FLT1: variants seen among roughly 807,000 people sequenced by gnomAD.
The protein encoded by FLT1 is vascular endothelial growth factor receptor 1.
FLT1 carries 49 observed loss-of-function variants against 156.3 expected under a neutral mutation model. That is an observed-to-expected ratio of 0.31 (90% confidence interval 0.25 to 0.40). The LOEUF (loss-of-function observed/expected upper bound fraction) is 0.40. Among genes scored for constraint, FLT1 ranks in the 10% least tolerant of loss-of-function variants. The pLI, the probability that FLT1 is intolerant of heterozygous loss-of-function variation, is 1.00. For synonymous variants in FLT1, 594 were observed against 583.8 expected, an observed-to-expected ratio of 1.02 and a Z score of -0.25; for missense variants, 1,322 against 1,637.2, an observed-to-expected ratio of 0.81 and a Z score of 3.32.
At chr13:28,471,557 A>G (rs1268488887) in intron 1 of FLT1, among the ~76,000 whole-genome samples, 1 of 152,196 alleles carries the variant, frequency 6.6e-6, no homozygotes, top group Non-Finnish European at 1.5e-5. Context: ...ATAGATGTGT[A>G]TGTACGTACC....
chr13:28,494,137 G>C (rs57052697), intron 1 of FLT1, among the ~76,000 whole-genome samples: 2 of 152,160 alleles, frequency 1.3e-5, no homozygotes, highest in African/African-American at 4.8e-5. Context: ...CTCGCCGAGC[G>C]TTCCCCGGGA....
chr13:28,363,082 C>T (rs1331432933), intron 14 of FLT1, among the ~76,000 whole-genome samples: 1 of 152,062 alleles, frequency 6.6e-6, no homozygotes, highest in Non-Finnish European at 1.5e-5. Context: ...TTTGTTCATA[C>T]TTAATTCATT....
intron 10 of FLT1, among the ~76,000 whole-genome samples, chr13:28,423,946 TC>T (rs1305349624): frequency 3.3e-5 from 5 of 152,212 alleles, no homozygotes; most frequent in African/African-American, 1.2e-4. Flanking sequence ...ACTTTTCTTT[TC>T]TTTCTTTTTC....
intron 14 of FLT1, among the ~76,000 whole-genome samples, chr13:28,371,284 C>T (rs1477861804): frequency 6.6e-6 from 1 of 152,120 alleles, no homozygotes; most frequent in Non-Finnish European, 1.5e-5. Context: ...AGTAGTCCCC[C>T]TGTATCTGTG....
At chr13:28,305,426 T>C (rs1041255575) in intron 29 of FLT1, among the ~76,000 whole-genome samples, 2 of 152,126 alleles carry the variant, frequency 1.3e-5, no homozygotes, top group South Asian at 2.1e-4. Context: ...GGTTTTGCCA[T>C]GTTGCTCCCG....
intron 16 of FLT1, among the ~76,000 whole-genome samples, chr13:28,344,500 C>T (rs904276840): frequency 1.3e-5 from 2 of 152,216 alleles, no homozygotes; most frequent in African/African-American, 4.8e-5. Flanking sequence ...ATCTGCCCCA[C>T]TGTCACCAGA....
Position 28,420,336 on chromosome 13 carries a change from T to C in FLT1, c.1436+6823A>G, listed in dbSNP as rs181532723. Among the ~76,000 whole-genome samples, 163 of 152,358 alleles carry C rather than the reference T, an allele frequency of 1.1e-3. 1 individual carries two copies. The highest frequency in any genetic ancestry group is 3.8e-3 in the African/African-American group (158 of 41,590). Reference sequence around the variant, plus strand: ...CCTGCTAAAGTGGTCTTTGGTCAAGTGGTCTTCTTTAAAGTCCTCATTTTG... The same window carrying C: ...CCTGCTAAAGTGGTCTTTGGTCAAGCGGTCTTCTTTAAAGTCCTCATTTTG... On this transcript the variant is annotated intron_variant, in intron 10 of 29. Transcript: ENST00000282397.
rs55687105 is a variant in FLT1, at chr13:28,431,282, C to T, written c.842G>A (p.Arg281Gln). The change falls in exon 7 of 30, where the codon CGA becomes CAA. Residue 281 changes from arginine (R) to glutamine (Q), a missense_variant. Coordinates refer to ENST00000282397, the MANE Select transcript of FLT1 (RefSeq NM_002019.4). Reference protein sequence around the residue: ...EKNKRASVRRRIDQSNSHANI... With the variant: ...EKNKRASVRRQIDQSNSHANI... ...GGCATGGGAATTGCTTTGGTCAATT[C>T]GTCGCCTTACGGAAGCTCTCTTATT... The T allele has an allele frequency of 1.4e-5, 23 of 1,613,722 alleles. No individual in the cohort carries two copies. Among genetic ancestry groups the T allele is most frequent in the Middle Eastern group, 1.6e-4 (1 of 6,062 alleles).
chr13:28,337,660 GA>G (rs1384412225), intron 17 of FLT1, among the ~76,000 whole-genome samples: 1 of 152,180 alleles, frequency 6.6e-6, no homozygotes, highest in African/African-American at 2.4e-5. Flanking sequence ...AGAGTGATAA[GA>G]ATGATCTTCA....
chr13:28,327,329 GAGA>G, intron 20 of FLT1, 130 bp downstream of exon 20: 1 of 677,868 alleles, frequency 1.5e-6, no homozygotes, highest in South Asian at 1.6e-5. Flanking sequence ...ATGAAAAAAG[GAGA>G]AGAAGCAGAG....
At chr13:28,401,446 C>T (rs1387701907) in intron 11 of FLT1, among the ~76,000 whole-genome samples, 1 of 152,152 alleles carries the variant, frequency 6.6e-6, no homozygotes, top group East Asian at 1.9e-4. Flanking sequence ...ATGTTCCTTC[C>T]TTCCTTCCCC....
intron 3 of FLT1, among the ~76,000 whole-genome samples, chr13:28,447,345 AT>A (rs34508993): frequency 0.14 from 21,535 of 150,508 alleles, 1,760 homozygotes; most frequent in Admixed American, 0.23. Context: ...CACCCAGCTA[AT>A]TTTTTTTTAA....
At chr13:28,396,778 T>C (rs1356058711) in intron 12 of FLT1, 182 bp downstream of exon 12, 1 of 694,890 alleles carries the variant, frequency 1.4e-6, no homozygotes, top group Non-Finnish European at 2.6e-6. Flanking sequence ...GGGAAATAAC[T>C]CCTTACGAGA....
intron 1 of FLT1, 102 bp downstream of exon 1, chr13:28,494,678 G>T: frequency 1.1e-6 from 1 of 891,700 alleles, no homozygotes; most frequent in Non-Finnish European, 1.7e-6. Flanking sequence ...CCGGGCTACA[G>T]CCTCGTCTCC....
intron 13 of FLT1, chr13:28,385,606 C>T (rs985445857): frequency 3.0e-6 from 3 of 1,014,978 alleles, no homozygotes; most frequent in South Asian, 4.6e-5. Flanking sequence ...TTCCCAAATG[C>T]AAGCAACCAA....
chr13:28,443,527 T>G lies in FLT1; in HGVS notation c.389-5182A>C, dbSNP rs115579636. ...TTGTTTTCTAGCACATGTACATATT[T>G]ATGGTTTTTACAAAGTTTTTCCTGG... is the stretch of plus-strand genomic sequence containing the variant. On this transcript the variant is annotated intron_variant, in intron 3 of 29. Coordinates refer to ENST00000282397, the MANE Select transcript of FLT1 (RefSeq NM_002019.4). 6.8e-3 allele frequency among the ~76,000 whole-genome samples: 1,029 copies of G among 152,302 alleles called. 4 individuals are homozygous for G. The highest frequency in any genetic ancestry group is 0.031 in the Middle Eastern group (9 of 294).
At position 28,445,661 on chromosome 13, in the gene FLT1, T is replaced by TAACAAC. The variant is rs140487705; in HGVS notation, c.389-7322_389-7317dup. Among the ~76,000 whole-genome samples the TAACAAC allele has an allele frequency of 4.0e-5, 6 of 151,808 alleles. No homozygotes were observed. In the South Asian group the frequency reaches 6.2e-4, roughly 16 times the overall value. On this transcript the variant is annotated intron_variant, in intron 3 of 29. Transcript: ENST00000282397. ...AGACTTTTAACAAGAGATTGAATTG[T>TAACAAC]AACAACAACAACAACAACAACAACA... is the stretch of plus-strand genomic sequence containing the variant.
chr13:28,322,590 G>A lies in FLT1; in HGVS notation c.2953+200C>T, dbSNP rs917433185. Reference sequence around the variant, plus strand: ...GATCCATTAAGATGAAAATCCCTGAGGGGAGAAAACGGTACAGTTCCCTGT... The same window carrying A: ...GATCCATTAAGATGAAAATCCCTGAAGGGAGAAAACGGTACAGTTCCCTGT... On this transcript the variant is annotated intron_variant, in intron 21 of 29. Transcript: ENST00000282397. This position sits in a 1 kb window ranked among gnomAD's most constrained non-coding sequence, Gnocchi z 4.3. 4.1e-6 allele frequency: 3 copies of A among 729,646 alleles called. No individual in the cohort carries two copies. Among genetic ancestry groups the A allele is most frequent in the Admixed American group, 4.1e-5 (2 of 49,096 alleles). 45.2% of individuals were successfully genotyped at this position (729,646 alleles called of 1,614,324 possible).
chr13:28,437,447 C>A (rs1878093530), intron 4 of FLT1, among the ~76,000 whole-genome samples: 1 of 152,190 alleles, frequency 6.6e-6, no homozygotes, highest in South Asian at 2.1e-4. Context: ...GTGCGAGGTG[C>A]TGCTCTGGGG....
Sources: gnomAD v4.1 joint callset for allele counts (sites outside exome capture counted in the v4.1 genomes callset) on GRCh38, gnomAD v4.1.1 for gene constraint, Gnocchi (gnomAD v3.1) non-coding constraint, MANE v1.5 for transcripts, NCBI Gene and HGNC (gene_info 2026-07-23, HGNC 2026-07-21) for gene names.